The following ADGRF1 variants were observed in gnomAD, a reference collection of about 807,000 sequenced individuals.
The protein encoded by ADGRF1 is G protein-coupled receptor 110.
ADGRF1 carries 85 observed loss-of-function variants against 87.2 expected under a neutral mutation model. The observed-to-expected ratio is 0.97, with a 90% confidence interval of 0.82 to 1.17. The LOEUF (loss-of-function observed/expected upper bound fraction) is 1.17, where lower values mean the gene tolerates loss of function less well. Among genes scored for constraint, ADGRF1 ranks in the 50% most tolerant of loss-of-function variants. The pLI, the probability that ADGRF1 is intolerant of heterozygous loss-of-function variation, is 0.00. For synonymous variants in ADGRF1, 430 were observed against 408.8 expected, an observed-to-expected ratio of 1.05 and a Z score of -0.63; for missense variants, 1,169 against 1,077.2, an observed-to-expected ratio of 1.09 and a Z score of -1.19.
Position 47,009,711 on chromosome 6 carries a change from G to A in ADGRF1, c.1724C>T (p.Pro575Leu), listed in dbSNP as rs778881329. 3 of 1,614,190 alleles carry A rather than the reference G, an allele frequency of 1.9e-6. No homozygotes were observed. The highest frequency in any genetic ancestry group is 2.2e-5 in the East Asian group (1 of 44,870). Residue 575 changes from proline to leucine, a missense_variant, in exon 11 of 15, where the codon CCT becomes CTT. By Grantham distance (98) the Pro-to-Leu change is moderately conservative. Transcript: ENST00000371253. Reference sequence around the variant, plus strand: ...GGGGAAGATTGTAGAGGGGACAAAAGGTGACATCAATATGGAGAAGGAGGT... The same window carrying A: ...GGGGAAGATTGTAGAGGGGACAAAAAGTGACATCAATATGGAGAAGGAGGT... Reference protein sequence around the residue: ...HLTSFSILMSPFVPSTIFPVV... With the variant: ...HLTSFSILMSLFVPSTIFPVV...
At chr6:47,017,692 CAAAAAAA>C (rs34535266) in intron 7 of ADGRF1, 12 of 109,866 alleles carry the variant, frequency 1.1e-4, no homozygotes, top group African/African-American at 3.5e-4. Flanking sequence ...GCCGAACATG[CAAAAAAA>C]AAAAAAAACT....
At chr6:47,005,672 G>A in intron 13 of ADGRF1, 145 bp downstream of exon 13, 1 of 569,410 alleles carries the variant, frequency 1.8e-6, no homozygotes, top group South Asian at 2.4e-5. Flanking sequence ...TCATGTGCCA[G>A]GCTCCATGTC....
chr6:47,026,134 T>G, intron 3 of ADGRF1, 131 bp from the exon 4 acceptor site: 1 of 709,648 alleles, frequency 1.4e-6, no homozygotes, highest in Admixed American at 2.7e-5. Flanking sequence ...TGAGTTCCTC[T>G]CATCCAAACA....
At chr6:47,038,010 G>A (rs1269328193) in intron 1 of ADGRF1, among the ~76,000 whole-genome samples, 1 of 152,028 alleles carries the variant, frequency 6.6e-6, no homozygotes, top group Non-Finnish European at 1.5e-5. Flanking sequence ...ACAGGTGCAC[G>A]CCACCATGCC....
intron 5 of ADGRF1, among the ~76,000 whole-genome samples, chr6:47,023,387 C>T (rs1338474956): frequency 6.6e-6 from 1 of 152,190 alleles, no homozygotes; most frequent in African/African-American, 2.4e-5. Flanking sequence ...TGCTCAGTTC[C>T]ACCAATATCT....
intron 3 of ADGRF1, among the ~76,000 whole-genome samples, chr6:47,027,154 G>C (rs1780259601): frequency 2.0e-5 from 3 of 152,190 alleles, no homozygotes; most frequent in Non-Finnish European, 4.4e-5. Flanking sequence ...TATTTTTACT[G>C]TCAGGGAAAT....
Position 47,016,536 on chromosome 6 carries a change from A to G in ADGRF1, c.763+81T>C. On this transcript the variant is annotated intron_variant, in intron 8 of 14. Coordinates refer to ENST00000371253, the MANE Select transcript of ADGRF1 (RefSeq NM_153840.4). ...AACAATTCGTTATTCAAACGTCTCA[A>G]ATCTACTTCCTGAGGACACAAATGA... 2.9e-6 allele frequency: 4 copies of G among 1,387,564 alleles called. No individual in the cohort carries two copies. In the South Asian group the frequency reaches 7.6e-5, roughly 26 times the overall value. The allele number at this position is 1,387,564 out of a possible 1,614,324, so 86.0% of individuals were successfully genotyped here. A position where few individuals can be genotyped will look rare whatever the true frequency, so the allele number is the denominator to read the frequency against.
At position 47,012,119 on chromosome 6, in the gene ADGRF1, C is replaced by T. The variant is rs767876211; in HGVS notation, c.1004G>A (p.Arg335Gln). 22 of 1,613,876 alleles carry T rather than the reference C, an allele frequency of 1.4e-5. No individual in the cohort carries two copies. The highest frequency in any genetic ancestry group is 7.7e-5 in the South Asian group (7 of 91,066). ...SFVQNLSVII[R>Q]QNPSTTVGNL... is the part of the protein sequence containing the mutation. ...CCCCACTGTGGTTGATGGGTTTTGCCGAATGATGACAGAAAGATTTTGCAC... is the reference window on the plus strand; with the variant it reads ...CCCCACTGTGGTTGATGGGTTTTGCTGAATGATGACAGAAAGATTTTGCAC... The change falls in exon 10 of 15, where the codon CGG (arginine) becomes CAG (glutamine). Residue 335 changes from arginine to glutamine, a missense_variant. Transcript: ENST00000371253.
At chr6:47,020,366 G>A in intron 7 of ADGRF1, 2 of 800,402 alleles carry the variant, frequency 2.5e-6, no homozygotes, top group Admixed American at 6.7e-5. Flanking sequence ...TGTGGTGGCA[G>A]GTGTCTGTAA....
intron 7 of ADGRF1, chr6:47,020,389 G>T: frequency 2.4e-6 from 2 of 825,564 alleles, no homozygotes; most frequent in Non-Finnish European, 3.6e-6. Flanking sequence ...CCAGCTACTT[G>T]GGAGGCTGAG....
chr6:47,028,969 A>G (rs1299087679), intron 2 of ADGRF1, 24 bp downstream of exon 2: 1 of 1,595,018 alleles, frequency 6.3e-7, no homozygotes, highest in Non-Finnish European at 8.6e-7. Flanking sequence ...TTGAGAAGAG[A>G]TATGAGACAT....
At chr6:47,028,636 C>T (rs774576394) in intron 2 of ADGRF1, among the ~76,000 whole-genome samples, 5 of 152,020 alleles carry the variant, frequency 3.3e-5, no homozygotes, top group African/African-American at 4.8e-5. Context: ...ATCACTCAAG[C>T]GAGTGTAGAC....
intron 1 of ADGRF1, 107 bp from the exon 2 acceptor site, chr6:47,029,211 C>G (rs1780338830): frequency 1.6e-6 from 1 of 629,622 alleles, no homozygotes; most frequent in South Asian, 1.9e-5. Flanking sequence ...GATCCGAACC[C>G]CTGGGTGTTT....
chr6:47,012,791 A>G, intron 9 of ADGRF1: 1 of 984,528 alleles, frequency 1.0e-6, no homozygotes, highest in Non-Finnish European at 1.2e-6. Flanking sequence ...TTTTTTCGAG[A>G]TGGAGTCTTG....
rs780992781 is a variant in ADGRF1, at chr6:47,009,069, A to G, written c.2366T>C (p.Val789Ala). The G allele has an allele frequency of 1.2e-6, 2 of 1,614,048 alleles. No homozygotes were observed. Among genetic ancestry groups the G allele is most frequent in the East Asian group, 2.2e-5 (1 of 44,852 alleles). Residue 789 changes from valine to alanine, a missense_variant, in exon 11 of 15, where the codon GTG becomes GCG. By Grantham distance (64) the Val-to-Ala change is moderately conservative. Coordinates refer to ENST00000371253, the MANE Select transcript of ADGRF1 (RefSeq NM_153840.4). ...SRDDKATIIR[V>A]GKSLLILTPL... ...GGTCAGAATGAGGAGGCTCTTCCCC[A>G]CGCGGATGATGGTGGCCTTGTCATC...
intron 13 of ADGRF1, among the ~76,000 whole-genome samples, chr6:47,004,060 G>A (rs1184062816): frequency 6.6e-6 from 1 of 152,012 alleles, no homozygotes; most frequent in South Asian, 2.1e-4. Context: ...TTTGTTTTCA[G>A]AGTCTCTTCA....
At chr6:47,012,373 C>T in intron 9 of ADGRF1, 178 bp from the exon 10 acceptor site, 3 of 1,172,592 alleles carry the variant, frequency 2.6e-6, no homozygotes, top group East Asian at 5.7e-5. Context: ...TTAGACATTG[C>T]ACTAGGTGCT....
rs748152209 is a variant in ADGRF1, at chr6:47,020,502, C to CAA, written c.611+227_611+228dup. Reference sequence around the variant, plus strand: ...TTGGGCGACAAGAGTGACATTCTGTCAAAAAAAAAAAAAAATTTAAGGTCC... The same window carrying CAA: ...TTGGGCGACAAGAGTGACATTCTGTCAAAAAAAAAAAAAAAAATTTAAGGTCC... On this transcript the variant is annotated intron_variant, in intron 7 of 14. Coordinates refer to ENST00000371253, the MANE Select transcript of ADGRF1 (RefSeq NM_153840.4). The CAA allele has an allele frequency of 5.9e-3, 7,262 of 1,234,252 alleles. 39 individuals are homozygous for CAA. Among genetic ancestry groups the CAA allele is most frequent in the African/African-American group, 0.047 (2,926 of 62,810 alleles). The allele number at this position is 1,234,252 out of a possible 1,614,324, so 76.5% of individuals were successfully genotyped here. A position where few individuals can be genotyped will look rare whatever the true frequency, so the allele number is the denominator to read the frequency against.
intron 9 of ADGRF1, chr6:47,013,500 T>C (rs888171264): frequency 1.0e-5 from 10 of 985,382 alleles, no homozygotes; most frequent in Admixed American, 6.1e-5. Context: ...CTGCTCAATA[T>C]GGAAATCTAC....
Sources: allele counts gnomAD v4.1 joint callset (sites outside exome capture counted in the v4.1 genomes callset), GRCh38; gene constraint gnomAD v4.1.1; transcripts MANE v1.5; gene names NCBI Gene and HGNC (gene_info 2026-07-23, HGNC 2026-07-21).